SLC22A31: variants seen among roughly 807,000 people sequenced by gnomAD.
SLC22A31 encodes putative solute carrier family 22 member 31.
SLC22A31 carries 42 observed loss-of-function variants against 27.4 expected under a neutral mutation model. That is an observed-to-expected ratio of 1.53 (90% CI 1.20 to 1.98). The LOEUF (loss-of-function observed/expected upper bound fraction) is 1.98, where lower values mean the gene tolerates loss of function less well. Among genes scored for constraint, SLC22A31 ranks in the 30% most tolerant of loss-of-function variants. SLC22A31 has a pLI of 0.00. For synonymous variants in SLC22A31, 290 were observed against 230.8 expected, an observed-to-expected ratio of 1.26 and a Z score of -2.33; for missense variants, 593 against 479.9, an observed-to-expected ratio of 1.24 and a Z score of -2.20.
At chr16:89,201,095 G>A (rs546100479), upstream of SLC22A31, 3 of 373,720 alleles carry the variant, frequency 8.0e-6, no homozygotes, top group Admixed American at 9.2e-5. Context: ...GCCCGTGCGC[G>A]CCCGTCTGCG....
rs540382983 is a variant in SLC22A31, at chr16:89,199,232, G to C, written c.284-41C>G. The C allele has an allele frequency of 1.5e-5, 22 of 1,487,570 alleles. No homozygotes were observed. In the East Asian group the frequency reaches 4.7e-4, roughly 32 times the overall value. The allele number at this position is 1,487,570 out of a possible 1,614,324, so 92.1% of individuals were successfully genotyped here. ...CAGGTTGAAGTGGAGGCCTCGGGGA[G>C]GACTGGAACAGTTCCATTGGGAACT... On this transcript the variant is annotated intron_variant, in intron 3 of 8. Coordinates refer to ENST00000682282, the MANE Select transcript of SLC22A31 (RefSeq NM_001384763.1).
At position 89,199,496 on chromosome 16, in the gene SLC22A31, G is replaced by A. The variant is rs1265414739; in HGVS notation, c.200C>T (p.Ala67Val). 1 of 495,164 alleles carries A rather than the reference G, an allele frequency of 2.0e-6. No homozygotes were observed. The highest frequency in any genetic ancestry group is 3.0e-5 in the East Asian group (1 of 33,636). The allele number at this position is 495,164 out of a possible 1,614,324, so 30.7% of individuals were successfully genotyped here. A position where few individuals can be genotyped will look rare whatever the true frequency, so the allele number is the denominator to read the frequency against. Reference sequence around the variant, plus strand: ...GACCAGCAGGGTAGGGAAGCTGGCAGCCAGGGCCTCACTGGCCCCCAGGCC... The same window carrying A: ...GACCAGCAGGGTAGGGAAGCTGGCAACCAGGGCCTCACTGGCCCCCAGGCC... ...TTGLGASEAL[A>V]ASFPTLLVLR... Residue 67 changes from alanine (A) to valine (V), a missense_variant, in exon 3 of 9, where the codon GCT becomes GTT. Physicochemically the swap from Ala to Val is moderately conservative, Grantham distance 64. Transcript: ENST00000682282.
At chr16:89,201,135 C>T, upstream of SLC22A31, 1 of 377,566 alleles carries the variant, frequency 2.6e-6, no homozygotes, top group Non-Finnish European at 4.7e-6. Flanking sequence ...CGCCCCGGAG[C>T]AGGAAGCCCA....
rs1916302012 is a variant in SLC22A31, at chr16:89,199,188, A to C, written c.287T>G (p.Leu96Arg). Residue 96 changes from leucine to arginine, a missense_variant, in exon 4 of 9, where the codon CTG becomes CGG. Physicochemically the swap from Leu to Arg is moderately radical, Grantham distance 102. Transcript: ENST00000682282. ...GALLALYLARLELCDPPHRLA... is the reference protein window; with the variant it reads ...GALLALYLARRELCDPPHRLA... ...GCGGTGGGGAGGGTCACACAACTCC[A>C]GGCCTGGGCAGACACAGACAGGTTG... The C allele has an allele frequency of 2.6e-6, 4 of 1,526,132 alleles. No homozygotes were observed. The highest frequency in any genetic ancestry group is 2.5e-5 in the East Asian group (1 of 40,816). The allele number at this position is 1,526,132 out of a possible 1,614,324, so 94.5% of individuals were successfully genotyped here.
rs1021379928 is a variant in SLC22A31, at chr16:89,196,036, T to C, written c.1304A>G (p.Asn435Ser). The C allele has an allele frequency of 2.0e-6, 3 of 1,523,832 alleles. No homozygotes were observed. In the African/African-American group the frequency reaches 4.2e-5, roughly 21 times the overall value. 94.4% of individuals were successfully genotyped at this position (1,523,832 alleles called of 1,614,324 possible). Residue 435 changes from asparagine (N) to serine (S), a missense_variant, in exon 9 of 9, where the codon AAC (asparagine) becomes AGC (serine). Coordinates refer to ENST00000682282, the MANE Select transcript of SLC22A31 (RefSeq NM_001384763.1). ...QDHLPLLPPS[N>S]SYWAGHTPEQ... ...GGGGGTGTGGCCGGCCCAGTAGGAGTTGGAGGGCGGCAGCAGAGGCAGGTG... is the reference window on the plus strand; with the variant it reads ...GGGGGTGTGGCCGGCCCAGTAGGAGCTGGAGGGCGGCAGCAGAGGCAGGTG...
intron 4 of SLC22A31, 48 bp downstream of exon 4, chr16:89,198,975 A>C: frequency 6.6e-7 from 1 of 1,521,838 alleles, no homozygotes; most frequent in Admixed American, 2.0e-5. Context: ...GGGAAGCTAC[A>C]TAGTCAGCCC....
intron 4 of SLC22A31, 89 bp from the exon 5 acceptor site, chr16:89,198,886 T>G: frequency 1.3e-6 from 2 of 1,489,084 alleles, no homozygotes; most frequent in Middle Eastern, 1.7e-4. Context: ...ACCCCCAGGC[T>G]CAGGGGCAGG....
Position 89,198,476 on chromosome 16 carries a change from T to A in SLC22A31, c.673A>T (p.Thr225Ser), listed in dbSNP as rs969991851. Residue 225 changes from threonine to serine, a missense_variant, in exon 6 of 9, where the codon ACC (threonine) becomes TCC (serine). Coordinates refer to ENST00000682282, the MANE Select transcript of SLC22A31 (RefSeq NM_001384763.1). ...CCCAAGATAAGCCCGTTTCTCCAGG[T>A]GACTCGGGTACGCAGAAGCCCCAGT... is the stretch of plus-strand genomic sequence containing the variant. ...SPLGLLRTRV[T>S]WRNGLILGFS... is the part of the protein sequence containing the mutation. 2 of 1,520,558 alleles carry A rather than the reference T, an allele frequency of 1.3e-6. No individual in the cohort carries two copies. The highest frequency in any genetic ancestry group is 4.0e-5 in the Admixed American group (2 of 49,576). The allele number at this position is 1,520,558 out of a possible 1,614,324, so 94.2% of individuals were successfully genotyped here.
chr16:89,201,220 G>A, upstream of SLC22A31: 2 of 374,164 alleles, frequency 5.3e-6, no homozygotes, highest in Non-Finnish European at 9.5e-6. Context: ...TCGGCGGGCT[G>A]GGGGCGGGGA....
At position 89,198,135 on chromosome 16, in the gene SLC22A31, G is replaced by T; in HGVS notation, c.909C>A (p.Leu303=). The change falls in exon 7 of 9, where the codon CTC becomes CTA. Residue 303 remains leucine, a synonymous_variant. Coordinates refer to ENST00000682282, the MANE Select transcript of SLC22A31 (RefSeq NM_001384763.1). The part of the protein sequence containing the change: ...MVTGLASLLL[L]AGAQYLPGWT... ...CCCCAAGCTCACACTGGGCCCCAGC[G>T]AGGAGCAGCAGGGATGCCAGGCCTG... is the stretch of plus-strand genomic sequence containing the variant. 6.5e-7 allele frequency: 1 copy of T among 1,534,174 alleles called. No homozygotes were observed. Among genetic ancestry groups the T allele is most frequent in the Non-Finnish European group, 8.7e-7 (1 of 1,146,710 alleles).
upstream of SLC22A31, chr16:89,201,396 C>A: frequency 2.7e-6 from 1 of 367,362 alleles, no homozygotes; most frequent in Non-Finnish European, 4.8e-6. Flanking sequence ...ATCGGGGTAG[C>A]GCAGGAGCAG....
chr16:89,199,218 G>A (rs1414357698), intron 3 of SLC22A31, 27 bp from the exon 4 acceptor site: 6 of 1,505,806 alleles, frequency 4.0e-6, no homozygotes, highest in South Asian at 2.5e-5. Flanking sequence ...AGGTTGAAGT[G>A]GAGGCCTCGG....
At chr16:89,198,895 G>C (rs1354031677) in intron 4 of SLC22A31, 98 bp from the exon 5 acceptor site, 1 of 1,488,240 alleles carries the variant, frequency 6.7e-7, no homozygotes, top group Admixed American at 2.1e-5. Context: ...CTCAGGGGCA[G>C]GACATCACTG....
At chr16:89,196,448 C>T in intron 8 of SLC22A31, 143 bp from the exon 9 acceptor site, 1 of 1,230,818 alleles carries the variant, frequency 8.1e-7, no homozygotes, top group Non-Finnish European at 1.1e-6. Flanking sequence ...GCCCCCAGCA[C>T]CAGGCCCAGG....
Position 89,197,297 on chromosome 16 carries a change from C to T in SLC22A31, c.1034+1G>A, listed in dbSNP as rs1430468983. The T allele has an allele frequency of 6.5e-7, 1 of 1,535,396 alleles. No individual in the cohort carries two copies. The highest frequency in any genetic ancestry group is 1.4e-5 in the African/African-American group (1 of 73,166). On this transcript the variant is annotated splice_donor_variant, in intron 8 of 8. Coordinates refer to ENST00000682282, the MANE Select transcript of SLC22A31 (RefSeq NM_001384763.1). LOFTEE classifies it high-confidence loss of function. ...TGTGGCCGGGCAACCCTGAAGCTCA[C>T]CTGATCACCGTGGGGAAGACCTCGG...
chr16:89,197,124 G>A (rs1659900477), intron 8 of SLC22A31, among the ~76,000 whole-genome samples, 174 bp downstream of exon 8: 1 of 152,082 alleles, frequency 6.6e-6, no homozygotes, highest in Non-Finnish European at 1.5e-5. Context: ...TGTGAGCAGT[G>A]GCCCCCACCA....
At chr16:89,198,589 C>A (rs1342684447) in intron 5 of SLC22A31, 39 bp from the exon 6 acceptor site, 1 of 1,518,826 alleles carries the variant, frequency 6.6e-7, no homozygotes, top group African/African-American at 1.4e-5. Context: ...GGGTGAGGAG[C>A]TGTGCCTCTC....
chr16:89,197,447 C>T lies in SLC22A31; in HGVS notation c.923-38G>A, dbSNP rs529268282. On this transcript the variant is annotated intron_variant, in intron 7 of 8. Transcript: ENST00000682282. ...AACAGGGGTTCCCAGGCTCTCTCCC[C>T]AGGCCTTCCACCCTGGCCACTCAGG... 2.1e-5 allele frequency: 31 copies of T among 1,461,822 alleles called. No homozygotes were observed. The East Asian group carries it at 4.7e-4, about 22-fold the overall frequency. The allele number at this position is 1,461,822 out of a possible 1,614,324, so 90.6% of individuals were successfully genotyped here. A position where few individuals can be genotyped will look rare whatever the true frequency, so the allele number is the denominator to read the frequency against.
In SLC22A31 at chr16:89,198,507, G is replaced by C. The variant is rs530873734; in HGVS notation, c.642C>G (p.His214Gln). 2 of 1,515,520 alleles carry C rather than the reference G, an allele frequency of 1.3e-6. No individual in the cohort carries two copies. Among genetic ancestry groups the C allele is most frequent in the Admixed American group, 4.1e-5 (2 of 49,096 alleles). The allele number at this position is 1,515,520 out of a possible 1,614,324, so 93.9% of individuals were successfully genotyped here. The change falls in exon 6 of 9, where the codon CAC (histidine) becomes CAG (glutamine). Residue 214 changes from histidine to glutamine, a missense_variant. Coordinates refer to ENST00000682282, the MANE Select transcript of SLC22A31 (RefSeq NM_001384763.1). ...GGGTACGCAGAAGCCCCAGTGGGGAGTGGTACCGGGGCTGGGGGCTCCGTG... is the reference window on the plus strand; with the variant it reads ...GGGTACGCAGAAGCCCCAGTGGGGACTGGTACCGGGGCTGGGGGCTCCGTG... The part of the protein sequence containing the change: ...LSARSPQPRY[H>Q]SPLGLLRTRV...
Sources: allele counts gnomAD v4.1 joint callset (sites outside exome capture counted in the v4.1 genomes callset), GRCh38; gene constraint gnomAD v4.1.1; transcripts MANE v1.5; gene names NCBI Gene and HGNC (gene_info 2026-07-23, HGNC 2026-07-21).